The following ANKS6 variants were observed in gnomAD, a reference collection of about 807,000 sequenced individuals.
The protein encoded by ANKS6 is ankyrin repeat and SAM domain-containing protein 6.
Under a neutral mutation model 77.9 loss-of-function variants are expected in ANKS6, and 47 were observed. The observed-to-expected ratio is 0.60, with a 90% CI of 0.48 to 0.77. The LOEUF (loss-of-function observed/expected upper bound fraction) is 0.77. Among genes scored for constraint, ANKS6 ranks in the 30% least tolerant of loss-of-function variants. ANKS6 has a pLI of 0.00. For missense variants in ANKS6, 1,150 were observed against 1,159.1 expected, an observed-to-expected ratio of 0.99 and a Z score of 0.11; for synonymous variants, 488 against 501.7, an observed-to-expected ratio of 0.97 and a Z score of 0.37.
chr9:98,790,383 G>A lies in ANKS6; in HGVS notation c.583C>T (p.Leu195=), dbSNP rs200911908. Residue 195 remains leucine (L), a synonymous_variant, in exon 2 of 15, where the codon CTG becomes TTG. Coordinates refer to ENST00000353234, the MANE Select transcript of ANKS6 (RefSeq NM_173551.5). ...SRDEPLDITA[L]MAAIQHGHEA... ...TGCCCGTGCTGGATGGCAGCCATCA[G>A]GGCTGTGATGTCCAAGGGCTCATCC... 327 of 1,613,596 alleles carry A rather than the reference G, an allele frequency of 2.0e-4. 1 individual carries two copies. Among genetic ancestry groups the A allele is most frequent in the Middle Eastern group, 1.6e-4 (1 of 6,084 alleles).
At chr9:98,742,051 C>T (rs1042627837) in intron 14 of ANKS6, among the ~76,000 whole-genome samples, 2 of 152,170 alleles carry the variant, frequency 1.3e-5, no homozygotes, top group Non-Finnish European at 2.9e-5. Context: ...GATTCTAAAA[C>T]CCACCAGCGT....
chr9:98,755,988 A>G (rs61025806), intron 12 of ANKS6, among the ~76,000 whole-genome samples: 3,066 of 152,232 alleles, frequency 0.02, 61 homozygotes, highest in African/African-American at 0.053. Context: ...AAAGCACCTG[A>G]ATTCAGGCAT....
chr9:98,779,745 G>T (rs1036113711), intron 6 of ANKS6, among the ~76,000 whole-genome samples: 2 of 151,950 alleles, frequency 1.3e-5, no homozygotes, highest in Non-Finnish European at 2.9e-5. Flanking sequence ...CTCACTGCAA[G>T]CTCCGCCTCC....
At chr9:98,780,443 C>T (rs1401509039) in intron 5 of ANKS6, 106 bp from the exon 6 acceptor site, 1 of 1,321,266 alleles carries the variant, frequency 7.6e-7, no homozygotes, top group East Asian at 2.5e-5. Context: ...CCTGCAGCTC[C>T]AGGGTCTGTG....
chr9:98,745,295 A>G (rs1832061089), intron 14 of ANKS6, among the ~76,000 whole-genome samples: 1 of 152,188 alleles, frequency 6.6e-6, no homozygotes, highest in Non-Finnish European at 1.5e-5. Context: ...GGCCTGTTTG[A>G]GCCAAAGGCT....
At position 98,736,126 on chromosome 9, in the gene ANKS6, T is replaced by G. The variant is rs563957549; in HGVS notation, c.*393A>C. On this transcript the variant is annotated 3_prime_UTR_variant, in exon 15 of 15. Coordinates refer to ENST00000353234, the MANE Select transcript of ANKS6 (RefSeq NM_173551.5). The stretch of plus-strand genomic sequence containing the variant: ...GCCAAGAGGACGTGAGCAGGAGTGA[T>G]GTGTGTCAGTTAAGAGCAAGGCAGG... The G allele has an allele frequency of 9.0e-5, 103 of 1,148,922 alleles. No homozygotes were observed. Among genetic ancestry groups the G allele is most frequent in the Non-Finnish European group, 1.1e-4 (102 of 933,028 alleles). The allele number at this position is 1,148,922 out of a possible 1,614,324, so 71.2% of individuals were successfully genotyped here.
In ANKS6 at chr9:98,733,812, A is replaced by G. The variant is rs1447125277; in HGVS notation, c.*2707T>C. ...CTACTCAACCAGGGAACCTCACCCCACTTTCACATACACACCCTACGTTTC... is the reference window on the plus strand; with the variant it reads ...CTACTCAACCAGGGAACCTCACCCCGCTTTCACATACACACCCTACGTTTC... On this transcript the variant is annotated 3_prime_UTR_variant, in exon 15 of 15. Coordinates refer to ENST00000353234, the MANE Select transcript of ANKS6 (RefSeq NM_173551.5). The G allele has an allele frequency of 3.0e-6, 3 of 985,274 alleles. No homozygotes were observed. In the African/African-American group the frequency reaches 5.2e-5, roughly 17 times the overall value. 61.0% of individuals were successfully genotyped at this position (985,274 alleles called of 1,614,324 possible). A position where few individuals can be genotyped will look rare whatever the true frequency, so the allele number is the denominator to read the frequency against.
At chr9:98,755,031 T>C (rs1263742618) in intron 12 of ANKS6, among the ~76,000 whole-genome samples, 1 of 151,802 alleles carries the variant, frequency 6.6e-6, no homozygotes, top group Admixed American at 6.6e-5. Context: ...ACATAGAAAA[T>C]ATGGTTGGGG....
intron 11 of ANKS6, among the ~76,000 whole-genome samples, chr9:98,760,016 T>C (rs1832926495): frequency 6.6e-6 from 1 of 152,322 alleles, no homozygotes; most frequent in African/African-American, 2.4e-5. Context: ...AAATGTCTGA[T>C]ATGATGGATA....
chr9:98,773,503 G>A (rs1319472225), intron 9 of ANKS6, among the ~76,000 whole-genome samples: 3 of 152,190 alleles, frequency 2.0e-5, no homozygotes, highest in Non-Finnish European at 4.4e-5. Flanking sequence ...GCCGCTGAGT[G>A]TTTGCTCTTG....
intron 13 of ANKS6, among the ~76,000 whole-genome samples, chr9:98,749,544 G>A (rs906168852): frequency 2.0e-5 from 3 of 152,180 alleles, no homozygotes; most frequent in Non-Finnish European, 2.9e-5. Flanking sequence ...AAAGGGGAAA[G>A]GCCAATAAAT....
chr9:98,736,472 G>A lies in ANKS6; in HGVS notation c.*47C>T. ...GGCTGGGGCTGTGGCCACGTGAAGG[G>A]GTCCCGGGATTCAGAGAGCTCACGC... On this transcript the variant is annotated 3_prime_UTR_variant, in exon 15 of 15. Coordinates refer to ENST00000353234, the MANE Select transcript of ANKS6 (RefSeq NM_173551.5). The A allele has an allele frequency of 6.4e-7, 1 of 1,556,060 alleles. No individual in the cohort carries two copies. The highest frequency in any genetic ancestry group is 1.2e-5 in the South Asian group (1 of 81,388).
chr9:98,783,884 T>C (rs1834412513), intron 4 of ANKS6, 69 bp downstream of exon 4: 7 of 1,382,948 alleles, frequency 5.1e-6, no homozygotes, highest in Non-Finnish European at 6.6e-6. Context: ...AAGAGCCCAT[T>C]GGGAACCTCC....
Position 98,780,252 on chromosome 9 carries a change from G to A in ANKS6, c.1305C>T (p.Pro435=). Residue 435 remains proline (P), a synonymous_variant, in exon 6 of 15, where the codon CCC becomes CCT. Transcript: ENST00000353234. ...TCCAGGGCTGTCGGACCTTCGAGTGGGGCAGGGGAGGCTGGTGGCTCGGCC... is the reference window on the plus strand; with the variant it reads ...TCCAGGGCTGTCGGACCTTCGAGTGAGGCAGGGGAGGCTGGTGGCTCGGCC... ...KGRPSHQPPL[P]HSKVRQPWSI... 6.2e-7 allele frequency: 1 copy of A among 1,613,912 alleles called. No individual in the cohort carries two copies. The highest frequency in any genetic ancestry group is 1.1e-5 in the South Asian group (1 of 90,942).
intron 1 of ANKS6, 145 bp downstream of exon 1, chr9:98,795,988 A>G (rs1835153155): frequency 1.3e-6 from 1 of 792,952 alleles, no homozygotes; most frequent in Admixed American, 4.4e-5. Context: ...CTCAAAGTTT[A>G]CAAAAGACTA....
intron 5 of ANKS6, 137 bp downstream of exon 5, chr9:98,782,330 C>A: frequency 1.3e-6 from 1 of 774,794 alleles, no homozygotes; most frequent in Admixed American, 2.5e-5. Flanking sequence ...ATGCAGTAAG[C>A]TCCTGACACT....
chr9:98,782,469 G>A lies in ANKS6; in HGVS notation c.1217C>T (p.Pro406Leu), dbSNP rs1834327044. ...AFDLVMLLND[P>L]DTELVRLLAS... is the part of the protein sequence containing the mutation. ...ACCCTTTTCTTGAAATTACCTACCG[G>A]GATCATTCAGCAGCATCACCAGGTC... Residue 406 changes from proline to leucine, a missense_variant and splice_region_variant, in exon 5 of 15, where the codon CCC becomes CTC. By Grantham distance (98) the Pro-to-Leu change is moderately conservative. Transcript: ENST00000353234. 6.2e-7 allele frequency: 1 copy of A among 1,613,258 alleles called. No homozygotes were observed. The highest frequency in any genetic ancestry group is 1.7e-5 in the Admixed American group (1 of 59,992).
Position 98,777,419 on chromosome 9 carries a change from A to C in ANKS6, c.1603T>G (p.Leu535Val). Residue 535 changes from leucine (L) to valine (V), a missense_variant, in exon 8 of 15, where the codon TTA becomes GTA. Physicochemically the swap from Leu to Val is conservative, Grantham distance 32. Coordinates refer to ENST00000353234, the MANE Select transcript of ANKS6 (RefSeq NM_173551.5). Reference sequence around the variant, plus strand: ...CCCACACTCACCATGGTTGTCAATAACGTGTCTTCCTTTTCTCCTCTTGTG... The same window carrying C: ...CCCACACTCACCATGGTTGTCAATACCGTGTCTTCCTTTTCTCCTCTTGTG... ...GSTRGEKEDTLLTTMLRNGAP... is the reference protein window; with the variant it reads ...GSTRGEKEDTVLTTMLRNGAP... The C allele has an allele frequency of 6.2e-7, 1 of 1,614,182 alleles. No homozygotes were observed.
At position 98,756,637 on chromosome 9, in the gene ANKS6, T is replaced by C. The variant is rs577954143; in HGVS notation, c.2143-34A>G. The stretch of plus-strand genomic sequence containing the variant: ...CAGAGTAAGACAAATACATAAGCCA[T>C]CACCTGTAGGGTAGAAATGAGGAAA... On this transcript the variant is annotated intron_variant, in intron 11 of 14. Coordinates refer to ENST00000353234, the MANE Select transcript of ANKS6 (RefSeq NM_173551.5). 9 of 1,454,658 alleles carry C rather than the reference T, an allele frequency of 6.2e-6. No homozygotes were observed. The South Asian group carries it at 1.2e-4, about 20-fold the overall frequency. The allele number at this position is 1,454,658 out of a possible 1,614,324, so 90.1% of individuals were successfully genotyped here.
Sources: allele counts gnomAD v4.1 joint callset (sites outside exome capture counted in the v4.1 genomes callset), GRCh38; gene constraint gnomAD v4.1.1; transcripts MANE v1.5; gene names NCBI Gene and HGNC (gene_info 2026-07-23, HGNC 2026-07-21).